The following MALRD1 variants were observed in gnomAD, a reference collection of about 807,000 sequenced individuals.
MALRD1 encodes MAM and LDL receptor class A domain containing 1.
MALRD1 carries 247 observed loss-of-function variants against 242.1 expected under a neutral mutation model. The observed-to-expected ratio is 1.02, with a 90% CI of 0.92 to 1.13. The LOEUF is 1.13. Ranked by LOEUF, MALRD1 falls within the 50% of genes most tolerant of loss-of-function variation. The pLI, the probability that MALRD1 is intolerant of heterozygous loss-of-function variation, is 0.00. For synonymous variants in MALRD1, 995 were observed against 866.6 expected (o/e 1.15, Z -2.60); for missense variants, 2,989 against 2,533.1 (o/e 1.18, Z -3.86).
At chr10:19,297,772 C>T (rs540052593) in intron 21 of MALRD1, among the ~76,000 whole-genome samples, 1 of 151,054 alleles carries the variant, frequency 6.6e-6, no homozygotes, top group Non-Finnish European at 1.5e-5. Context: ...AGTAAGGACC[C>T]GAAAGAAGAT....
At chr10:19,630,590 A>G (rs1050934682) in intron 36 of MALRD1, among the ~76,000 whole-genome samples, 2 of 152,302 alleles carry the variant, frequency 1.3e-5, no homozygotes, top group South Asian at 2.1e-4. Context: ...AAGGCTTTGC[A>G]TATATTATTC....
intron 31 of MALRD1, among the ~76,000 whole-genome samples, chr10:19,529,581 A>G (rs1834255837): frequency 1.3e-5 from 2 of 151,990 alleles, no homozygotes; most frequent in South Asian, 2.1e-4. Context: ...AGGATATTAG[A>G]GTATTGAATA....
chr10:19,631,089 C>T (rs959493401), intron 36 of MALRD1, among the ~76,000 whole-genome samples: 3 of 152,072 alleles, frequency 2.0e-5, no homozygotes, highest in Non-Finnish European at 2.9e-5. Context: ...TATTCATCAC[C>T]CAGTACTAAG....
intron 36 of MALRD1, among the ~76,000 whole-genome samples, chr10:19,680,297 A>T (rs10764127): frequency 0.4 from 60,103 of 151,940 alleles, 13,384 homozygotes; most frequent in Non-Finnish European, 0.51. Context: ...GTCTCTAAGA[A>T]CTTGTTTTAT....
intron 14 of MALRD1, among the ~76,000 whole-genome samples, chr10:19,194,297 TAC>T (rs1293933737): frequency 1.3e-5 from 2 of 152,196 alleles, no homozygotes; most frequent in African/African-American, 2.4e-5. Flanking sequence ...TATGAATTAA[TAC>T]ACAGTTATTG....
At chr10:19,710,658 A>G (rs1220210387) in intron 38 of MALRD1, 2 of 152,224 alleles carry the variant, frequency 1.3e-5, no homozygotes, top group Non-Finnish European at 2.9e-5. Context: ...TATGAAGACT[A>G]CTTTACTGTA....
At chr10:19,114,486 A>G (rs542972142) in intron 5 of MALRD1, among the ~76,000 whole-genome samples, 12 of 152,222 alleles carry the variant, frequency 7.9e-5, no homozygotes, top group African/African-American at 2.9e-4. Flanking sequence ...AAAATACAAA[A>G]ATTAGCTGGG....
chr10:19,135,702 C>T (rs1454844885), intron 9 of MALRD1, among the ~76,000 whole-genome samples: 2 of 152,190 alleles, frequency 1.3e-5, no homozygotes, highest in South Asian at 2.1e-4. Flanking sequence ...ATTTTATTTT[C>T]ATTAATTTGA....
intron 38 of MALRD1, chr10:19,710,604 C>T (rs1378567090): frequency 1.3e-5 from 2 of 152,186 alleles, no homozygotes; most frequent in Non-Finnish European, 2.9e-5. Flanking sequence ...TCACTGGACA[C>T]AAACTCCAAG....
At chr10:19,334,571 C>G (rs1249509349) in intron 24 of MALRD1, among the ~76,000 whole-genome samples, 1 of 151,942 alleles carries the variant, frequency 6.6e-6, no homozygotes, top group Non-Finnish European at 1.5e-5. Context: ...GAAAACAAAA[C>G]TTATTCTTTA....
intron 18 of MALRD1, among the ~76,000 whole-genome samples, chr10:19,234,250 G>T (rs1838203396): frequency 6.6e-6 from 1 of 151,784 alleles, no homozygotes; most frequent in African/African-American, 2.4e-5. Context: ...ATTATAATTA[G>T]TTGAACTCTA....
chr10:19,427,700 T>C (rs983506486), intron 28 of MALRD1, among the ~76,000 whole-genome samples: 54 of 152,312 alleles, frequency 3.5e-4, no homozygotes, highest in East Asian at 2.9e-3. Context: ...GGGGTTATTA[T>C]TGGCGTTATA....
chr10:19,423,199 C>G (rs1833778916), intron 28 of MALRD1, among the ~76,000 whole-genome samples: 1 of 151,878 alleles, frequency 6.6e-6, no homozygotes, highest in South Asian at 2.1e-4. Flanking sequence ...TTATATTGTT[C>G]CAACAAACAG....
rs562288654 is a variant in MALRD1, at chr10:19,670,919, C to T, written c.6138-21363C>T. ...TTTGAGATGGAGTCTTGCTCTGTTG[C>T]CCGGGCTGGAGTGCAGTGGCACCAT... On this transcript the variant is annotated intron_variant, in intron 36 of 39. Coordinates refer to ENST00000454679, the MANE Select transcript of MALRD1 (RefSeq NM_001142308.3). 1.9e-3 allele frequency among the ~76,000 whole-genome samples: 285 copies of T among 148,212 alleles called. 3 individuals are homozygous for T. Among genetic ancestry groups the T allele is most frequent in the African/African-American group, 7.0e-3 (278 of 39,828 alleles).
chr10:19,337,099 A>G lies in MALRD1; in HGVS notation c.3901+5517A>G, dbSNP rs557578156. The stretch of plus-strand genomic sequence containing the variant: ...TATATTTGTGTATATATTATACACA[A>G]GTAAACTTACACATATGTATATGTA... On this transcript the variant is annotated intron_variant, in intron 24 of 39. Coordinates refer to ENST00000454679, the MANE Select transcript of MALRD1 (RefSeq NM_001142308.3). Among the ~76,000 whole-genome samples, 30 of 152,246 alleles carry G rather than the reference A, an allele frequency of 2.0e-4. No individual in the cohort carries two copies. In the South Asian group the frequency reaches 6.2e-3, roughly 32 times the overall value.
chr10:19,604,460 G>A (rs1285228438), intron 34 of MALRD1, among the ~76,000 whole-genome samples: 1 of 152,150 alleles, frequency 6.6e-6, no homozygotes. Context: ...AGAGAGGTGA[G>A]GAAGCTTTGG....
intron 38 of MALRD1, among the ~76,000 whole-genome samples, chr10:19,696,742 G>A (rs1833395375): frequency 6.7e-6 from 1 of 149,764 alleles, no homozygotes; most frequent in Non-Finnish European, 1.5e-5. Flanking sequence ...CCCCATCTCT[G>A]CCCAAAATTA....
chr10:19,733,577 A>G (rs1835378545), intron 39 of MALRD1, among the ~76,000 whole-genome samples: 1 of 151,790 alleles, frequency 6.6e-6, no homozygotes, highest in Non-Finnish European at 1.5e-5. Context: ...AGGTATATGC[A>G]TCCAAATGGG....
intron 38 of MALRD1, among the ~76,000 whole-genome samples, chr10:19,714,728 A>T (rs921668917): frequency 3.3e-5 from 5 of 152,104 alleles, no homozygotes; most frequent in Non-Finnish European, 7.3e-5. Context: ...AAAGACGGGA[A>T]TCAGCAAAAC....
Sources: allele counts gnomAD v4.1 joint callset (sites outside exome capture counted in the v4.1 genomes callset), GRCh38; gene constraint gnomAD v4.1.1; transcripts MANE v1.5; gene names NCBI Gene and HGNC (gene_info 2026-07-23, HGNC 2026-07-21).